The following CMPK2 variants were observed in gnomAD, a reference collection of about 807,000 sequenced individuals.
CMPK2 encodes UMP-CMP kinase 2, mitochondrial.
A neutral mutation model predicts 33.4 loss-of-function variants in CMPK2; 32 were observed. That is an observed-to-expected ratio of 0.96 (90% confidence interval 0.72 to 1.29). The LOEUF is 1.29. CMPK2 is among the 50% of genes most tolerant of loss of function. The pLI is 0.00. For missense variants in CMPK2, 672 were observed against 616.0 expected (o/e 1.09, Z -0.96); for synonymous variants, 299 against 275.3 (o/e 1.09, Z -0.85).
downstream of CMPK2, among the ~76,000 whole-genome samples, chr2:6,846,641 T>C (rs1394201047): frequency 6.6e-6 from 1 of 152,204 alleles, no homozygotes; most frequent in Non-Finnish European, 1.5e-5. Flanking sequence ...GCTGACTCCC[T>C]GATGGGCTGT....
At chr2:6,860,460 A>T (rs761486847) in intron 3 of CMPK2, among the ~76,000 whole-genome samples, 10 of 152,194 alleles carry the variant, frequency 6.6e-5, no homozygotes, top group Non-Finnish European at 1.3e-4. Flanking sequence ...TCATGGGGAC[A>T]GGTCTTTACC....
intron 3 of CMPK2, 49 bp downstream of exon 3, chr2:6,861,135 C>T: frequency 2.8e-6 from 3 of 1,080,128 alleles, no homozygotes; most frequent in African/African-American, 1.6e-5. Flanking sequence ...CACCCACACA[C>T]TTATATATTA....
At position 6,865,499 on chromosome 2, in the gene CMPK2, C is replaced by G. The variant is rs1022826337; in HGVS notation, c.198G>C (p.Leu66=). 1.5e-4 allele frequency: 195 copies of G among 1,271,572 alleles called. No individual in the cohort carries two copies. Among genetic ancestry groups the G allele is most frequent in the Non-Finnish European group, 1.9e-4 (191 of 1,013,986 alleles). The allele number at this position is 1,271,572 out of a possible 1,614,324, so 78.8% of individuals were successfully genotyped here. A position where few individuals can be genotyped will look rare whatever the true frequency, so the allele number is the denominator to read the frequency against. ...GCGAGTAGCTGCGCTCCGGGGGCCC[C>G]AGCAGCGCCGCCAGGCGGGGGTCGG... is the stretch of plus-strand genomic sequence containing the variant. ...DAPDPRLAAL[L]GPPERSYSLC... The change falls in exon 1 of 5, where the codon CTG becomes CTC. Residue 66 remains leucine (L), a synonymous_variant. Coordinates refer to ENST00000256722, the MANE Select transcript of CMPK2 (RefSeq NM_207315.4).
At chr2:6,852,853 G>T (rs1366086158) in intron 3 of CMPK2, among the ~76,000 whole-genome samples, 2 of 152,110 alleles carry the variant, frequency 1.3e-5, no homozygotes, top group Non-Finnish European at 1.5e-5. Flanking sequence ...CAATATAAAA[G>T]GACCATCACT....
intron 3 of CMPK2, among the ~76,000 whole-genome samples, chr2:6,859,642 T>C (rs1300805273): frequency 6.6e-6 from 1 of 152,218 alleles, no homozygotes; most frequent in African/African-American, 2.4e-5. Context: ...AAGTCAAGAA[T>C]GGAGGTTTGG....
chr2:6,858,657 G>A (rs1256516269), intron 3 of CMPK2, among the ~76,000 whole-genome samples: 1 of 152,192 alleles, frequency 6.6e-6, no homozygotes, highest in Non-Finnish European at 1.5e-5. Context: ...CTTGTCTGCT[G>A]CCATGTGAGA....
intron 3 of CMPK2, among the ~76,000 whole-genome samples, chr2:6,854,509 C>T (rs928584687): frequency 9.2e-5 from 14 of 152,134 alleles, no homozygotes; most frequent in African/African-American, 3.4e-4. Context: ...CTTTAAAGAA[C>T]TAAATTGCAG....
At chr2:6,850,774 T>A in intron 4 of CMPK2, 1 of 985,716 alleles carries the variant, frequency 1.0e-6, no homozygotes, top group Non-Finnish European at 1.2e-6. Context: ...AGGGCTATCA[T>A]TGTTCAGTTA....
intron 4 of CMPK2, 141 bp downstream of exon 4, chr2:6,851,309 G>T: frequency 6.7e-7 from 1 of 1,487,674 alleles, no homozygotes; most frequent in Non-Finnish European, 9.0e-7. Flanking sequence ...GGAAGGGGCT[G>T]AAGTAACTTA....
chr2:6,862,879 C>T lies in CMPK2; in HGVS notation c.790+585G>A, dbSNP rs1219512606. Among the ~76,000 whole-genome samples, 6 of 152,360 alleles carry T rather than the reference C, an allele frequency of 3.9e-5. No individual in the cohort carries two copies. The South Asian group carries it at 1.0e-3, about 26-fold the overall frequency. On this transcript the variant is annotated intron_variant, in intron 2 of 4. Coordinates refer to ENST00000256722, the MANE Select transcript of CMPK2 (RefSeq NM_207315.4). ...CTAGTTCTCCAACATCAACCCTCTC[C>T]TCAGTGTGTCCTGGGCCACAGGAGC...
intron 4 of CMPK2, among the ~76,000 whole-genome samples, chr2:6,850,280 T>A (rs1260185801): frequency 6.6e-6 from 1 of 152,254 alleles, no homozygotes; most frequent in Admixed American, 6.5e-5. Context: ...ATCCCTGTTT[T>A]GCAGAGAAGG....
At chr2:6,843,964 C>T (rs1184149148), downstream of CMPK2, among the ~76,000 whole-genome samples, 1 of 152,116 alleles carries the variant, frequency 6.6e-6, no homozygotes, top group African/African-American at 2.4e-5. Context: ...GAAATTGAGC[C>T]CTAGGACCCA....
At chr2:6,846,527 T>G (rs1013877046), downstream of CMPK2, among the ~76,000 whole-genome samples, 1 of 152,140 alleles carries the variant, frequency 6.6e-6, no homozygotes, top group Non-Finnish European at 1.5e-5. Flanking sequence ...TATCCCTAGG[T>G]TACAAAAACA....
In CMPK2 at chr2:6,848,525, TAC is replaced by T; in HGVS notation, c.*1323_*1324del. 2 of 952,622 alleles carry T rather than the reference TAC, an allele frequency of 2.1e-6. No homozygotes were observed. The highest frequency in any genetic ancestry group is 2.5e-6 in the Non-Finnish European group (2 of 800,036). 59.0% of individuals were successfully genotyped at this position (952,622 alleles called of 1,614,324 possible). On this transcript the variant is annotated 3_prime_UTR_variant, in exon 5 of 5. Coordinates refer to ENST00000256722, the MANE Select transcript of CMPK2 (RefSeq NM_207315.4). ...AACTGAAATCAATTACATTTTAATA[TAC>T]ACATATTATATAGAAATTACCTATA...
intron 3 of CMPK2, among the ~76,000 whole-genome samples, chr2:6,855,223 G>C (rs1662650235): frequency 6.6e-6 from 1 of 151,680 alleles, no homozygotes; most frequent in African/African-American, 2.4e-5. Context: ...GGATCATGGG[G>C]GCAGACACCC....
rs764053181 is a variant in CMPK2, at chr2:6,865,645, C to G, written c.52G>C (p.Gly18Arg). The G allele has an allele frequency of 9.7e-6, 13 of 1,346,314 alleles. No individual in the cohort carries two copies. The South Asian group carries it at 1.1e-4, about 12-fold the overall frequency. 83.4% of individuals were successfully genotyped at this position (1,346,314 alleles called of 1,614,324 possible). ...GCCCCAGCGCAGACCCCGCGCCGCC[C>G]GAGCAGCGGCCCCGACAGTGGCCCG... ...LRGPLSGPLL[G>R]RRGVCAGAMA... Residue 18 changes from glycine (G) to arginine (R), a missense_variant, in exon 1 of 5, where the codon GGG becomes CGG. By Grantham distance (125) the Gly-to-Arg change is moderately radical (BLOSUM62 -2). Coordinates refer to ENST00000256722, the MANE Select transcript of CMPK2 (RefSeq NM_207315.4).
downstream of CMPK2, among the ~76,000 whole-genome samples, chr2:6,844,546 A>G (rs1328210535): frequency 1.3e-5 from 2 of 152,330 alleles, no homozygotes; most frequent in Middle Eastern, 3.4e-3. Context: ...GCCTTCCAGT[A>G]TGCACATCCA....
At position 6,861,319 on chromosome 2, in the gene CMPK2, G is replaced by A; in HGVS notation, c.857C>T (p.Ser286Phe). 1 of 1,614,176 alleles carries A rather than the reference G, an allele frequency of 6.2e-7. No homozygotes were observed. Among genetic ancestry groups the A allele is most frequent in the Non-Finnish European group, 8.5e-7 (1 of 1,180,034 alleles). ...GATCTTCCTCCACTGGCCAATGCAA[G>A]AGGGTGGTGACTTTAAGAGGACAGC... ...LKAVLLKSPP[S>F]CIGQWRKIFD... Residue 286 changes from serine to phenylalanine, a missense_variant, in exon 3 of 5, where the codon TCT becomes TTT. Ser to Phe is a radical substitution (Grantham distance 155). Transcript: ENST00000256722.
chr2:6,851,981 C>T (rs558100478), intron 3 of CMPK2, among the ~76,000 whole-genome samples: 24 of 152,264 alleles, frequency 1.6e-4, no homozygotes, highest in African/African-American at 4.8e-4. Flanking sequence ...TCCTGCTGTC[C>T]GCATTCCTCT....
Sources: gnomAD v4.1 joint callset for allele counts (sites outside exome capture counted in the v4.1 genomes callset) on GRCh38, gnomAD v4.1.1 for gene constraint, MANE v1.5 for transcripts, NCBI Gene and HGNC (gene_info 2026-07-23, HGNC 2026-07-21) for gene names.